The following NBEA variants were observed in gnomAD, a reference collection of about 807,000 sequenced individuals.
NBEA encodes lysosomal-trafficking regulator 2.
A neutral mutation model predicts 343.4 loss-of-function variants in NBEA; 44 were observed. That is an observed-to-expected ratio of 0.13 (90% confidence interval 0.10 to 0.16). The LOEUF (loss-of-function observed/expected upper bound fraction) is 0.16, where lower values mean the gene tolerates loss of function less well. Ranked by LOEUF, NBEA falls within the 10% of genes least tolerant of loss-of-function variation. NBEA has a pLI of 1.00. For synonymous variants in NBEA, 1,175 were observed against 1,238.7 expected, an observed-to-expected ratio of 0.95 and a Z score of 1.08; for missense variants, 2,555 against 3,631.3, an observed-to-expected ratio of 0.70 and a Z score of 7.62.
chr13:35,591,304 T>C (rs2081527925), intron 46 of NBEA, among the ~76,000 whole-genome samples: 1 of 152,114 alleles, frequency 6.6e-6, no homozygotes, highest in Admixed American at 6.6e-5. Context: ...CTACAATTTT[T>C]ATATCCCCAT....
chr13:35,006,945 G>C (rs1007322838), intron 1 of NBEA, among the ~76,000 whole-genome samples: 2 of 152,164 alleles, frequency 1.3e-5, no homozygotes, highest in African/African-American at 4.8e-5. Flanking sequence ...TAGAGGACTT[G>C]TGTTGTCATC....
chr13:35,649,955 A>G, intron 52 of NBEA, 108 bp downstream of exon 52: 1 of 1,089,684 alleles, frequency 9.2e-7, no homozygotes, highest in Non-Finnish European at 1.3e-6. Flanking sequence ...TTATCTACAA[A>G]AAACAGCAGA....
chr13:35,099,185 A>G (rs1214807830), intron 11 of NBEA, among the ~76,000 whole-genome samples: 2 of 142,266 alleles, frequency 1.4e-5, no homozygotes, highest in Non-Finnish European at 3.0e-5. Context: ...GCGCACCACC[A>G]TGCCTGGCTA....
chr13:35,110,862 C>T lies in NBEA; in HGVS notation c.1886C>T (p.Thr629Ile), dbSNP rs754073650. ...TCTGCTGAATTTATTGGAACTGCTACCATCTACACCACCATACGCAGAGTA... is the reference window on the plus strand; with the variant it reads ...TCTGCTGAATTTATTGGAACTGCTATCATCTACACCACCATACGCAGAGTA... ...YLSAEFIGTA[T>I]IYTTIRRVGT... Residue 629 changes from threonine (T) to isoleucine (I), a missense_variant, in exon 13 of 59, where the codon ACC (threonine) becomes ATC (isoleucine). Physicochemically the swap from Thr to Ile is moderately conservative, Grantham distance 89 (BLOSUM62 -1). This residue lies in a region of NBEA where 360 missense variants were observed against 519.1 expected (regional missense o/e 0.69). Transcript: ENST00000379939. The T allele has an allele frequency of 1.6e-5, 25 of 1,611,920 alleles. No homozygotes were observed. The highest frequency in any genetic ancestry group is 1.9e-5 in the Non-Finnish European group (22 of 1,178,600).
chr13:35,378,642 G>A (rs2041862963), intron 38 of NBEA, among the ~76,000 whole-genome samples: 1 of 151,916 alleles, frequency 6.6e-6, no homozygotes, highest in African/African-American at 2.4e-5. Context: ...AGGCATGACT[G>A]ATTTTTTTCC....
At chr13:35,022,950 T>A (rs2061898999) in intron 1 of NBEA, among the ~76,000 whole-genome samples, 1 of 152,170 alleles carries the variant, frequency 6.6e-6, no homozygotes, top group African/African-American at 2.4e-5. Flanking sequence ...AGAAGAAGAT[T>A]TATGTTTTAG....
At chr13:35,126,798 A>T (rs536631430) in intron 17 of NBEA, among the ~76,000 whole-genome samples, 1 of 151,890 alleles carries the variant, frequency 6.6e-6, no homozygotes. Context: ...GGTGCCTGTC[A>T]TCCCAGCTAC....
At chr13:35,111,406 A>C (rs974741548) in intron 13 of NBEA, among the ~76,000 whole-genome samples, 1 of 151,064 alleles carries the variant, frequency 6.6e-6, no homozygotes, top group African/African-American at 2.4e-5. Flanking sequence ...TTTTTTTTTG[A>C]AAATATAGCC....
chr13:35,027,499 AATGCGTGTTC>A (rs1689080874), intron 1 of NBEA, among the ~76,000 whole-genome samples: 1 of 151,930 alleles, frequency 6.6e-6, no homozygotes, highest in Non-Finnish European at 1.5e-5. Context: ...TCTTTGATCA[AATGCGTGTTC>A]ATGTTTTCTG....
chr13:35,306,893 G>A (rs1037114194), intron 35 of NBEA, among the ~76,000 whole-genome samples: 8 of 151,814 alleles, frequency 5.3e-5, no homozygotes, highest in Non-Finnish European at 8.8e-5. Context: ...TTTGATCCTC[G>A]TTTTGTTTAT....
At chr13:35,236,401 A>C (rs1238221509) in intron 34 of NBEA, among the ~76,000 whole-genome samples, 2 of 147,886 alleles carry the variant, frequency 1.4e-5, no homozygotes, top group Non-Finnish European at 3.0e-5. Flanking sequence ...TTCTGCATTT[A>C]ATCCTTTTTG....
intron 36 of NBEA, among the ~76,000 whole-genome samples, chr13:35,311,603 C>T (rs969167014): frequency 6.6e-6 from 1 of 152,114 alleles, no homozygotes; most frequent in African/African-American, 2.4e-5. Context: ...CCTGTAATCC[C>T]AGCACTTTGG....
At chr13:35,284,101 T>C (rs2035256656) in intron 34 of NBEA, among the ~76,000 whole-genome samples, 1 of 152,130 alleles carries the variant, frequency 6.6e-6, no homozygotes, top group Non-Finnish European at 1.5e-5. Flanking sequence ...ATGTATTGTC[T>C]ATGGCTACCT....
chr13:35,415,066 T>G (rs989107988), intron 38 of NBEA, among the ~76,000 whole-genome samples: 25 of 152,210 alleles, frequency 1.6e-4, no homozygotes, highest in Admixed American at 7.9e-4. Flanking sequence ...CTTTGCCCAC[T>G]TTTTGATGGG....
intron 23 of NBEA, among the ~76,000 whole-genome samples, chr13:35,162,415 A>G (rs934502038): frequency 2.0e-5 from 3 of 152,180 alleles, no homozygotes; most frequent in African/African-American, 7.2e-5. Flanking sequence ...CAACATTCTT[A>G]GAAATGTTGG....
chr13:35,645,928 T>G lies in NBEA; in HGVS notation c.7677T>G (p.Ile2559Met). The G allele has an allele frequency of 6.4e-7, 1 of 1,553,272 alleles. No homozygotes were observed. Among genetic ancestry groups the G allele is most frequent in the South Asian group, 1.2e-5 (1 of 85,282 alleles). ...PHTFLLTKDF[I>M]KAMEAQIQNF... Reference sequence around the variant, plus strand: ...CTTTCCTTCTTACAAAGGACTTTATTAAGGTATATGTTCTGTATTTAGTGT... The same window carrying G: ...CTTTCCTTCTTACAAAGGACTTTATGAAGGTATATGTTCTGTATTTAGTGT... The change falls in exon 50 of 59, where the codon ATT becomes ATG. Residue 2559 changes from isoleucine (I) to methionine (M), a missense_variant. By Grantham distance (10) the Ile-to-Met change is conservative (BLOSUM62 1). Coordinates refer to ENST00000379939, the MANE Select transcript of NBEA (RefSeq NM_001385012.1).
chr13:35,098,385 A>G lies in NBEA; in HGVS notation c.1660A>G (p.Ile554Val), dbSNP rs760332116. ...GCTGGGTGGAAAAGGCTTTTTAGTC[A>G]TTGGCTACTTACTTGAAAAGGTAAG... Reference protein sequence around the residue: ...QMLGGKGFLVIGYLLEKSSRV... With the variant: ...QMLGGKGFLVVGYLLEKSSRV... The change falls in exon 11 of 59, where the codon ATT becomes GTT. Residue 554 changes from isoleucine (I) to valine (V), a missense_variant. Coordinates refer to ENST00000379939, the MANE Select transcript of NBEA (RefSeq NM_001385012.1). The G allele has an allele frequency of 1.3e-6, 2 of 1,585,508 alleles. No homozygotes were observed. The highest frequency in any genetic ancestry group is 1.7e-6 in the Non-Finnish European group (2 of 1,164,060).
intron 41 of NBEA, among the ~76,000 whole-genome samples, chr13:35,496,439 C>A (rs565777258): frequency 2.0e-4 from 31 of 151,674 alleles, no homozygotes; most frequent in Non-Finnish European, 4.3e-4. Flanking sequence ...GTTTGAGACC[C>A]GCCTGAGCAA....
intron 1 of NBEA, among the ~76,000 whole-genome samples, chr13:34,983,203 G>A (rs2060419642): frequency 6.6e-6 from 1 of 152,032 alleles, no homozygotes; most frequent in African/African-American, 2.4e-5. Flanking sequence ...CCCAGGGTGT[G>A]ATGTTCCCCG....
Sources: gnomAD v4.1 joint callset for allele counts (sites outside exome capture counted in the v4.1 genomes callset) on GRCh38, gnomAD v4.1.1 for gene constraint, gnomAD v4.1.1 regional missense constraint, MANE v1.5 for transcripts, NCBI Gene and HGNC (gene_info 2026-07-23, HGNC 2026-07-21) for gene names.